Variants in ZNG1F observed in about 807,000 individuals in gnomAD.
The protein encoded by ZNG1F is zinc-regulated GTPase metalloprotein activator 1F.
At chr9:41,139,672 A>G in the ZNG1F span, among the ~76,000 whole-genome samples, 1 of 151,856 alleles carries the variant, frequency 6.6e-6, no homozygotes, top group African/African-American at 2.4e-5. Flanking sequence ...TGAGACTTTT[A>G]AAAGTACTTA....
the ZNG1F span, among the ~76,000 whole-genome samples, chr9:41,134,316 A>T: frequency 9.6e-6 from 1 of 104,010 alleles, no homozygotes; most frequent in African/African-American, 3.2e-5. Flanking sequence ...CTGAATAAGC[A>T]TGTGCCAAGA....
the ZNG1F span, among the ~76,000 whole-genome samples, chr9:41,203,074 T>C: frequency 2.1e-3 from 309 of 147,212 alleles, no homozygotes; most frequent in African/African-American, 7.7e-3. Context: ...TCAGGTTATA[T>C]ATTTTTGGCA....
chr9:41,169,885 T>C, the ZNG1F span, among the ~76,000 whole-genome samples: 1 of 139,748 alleles, frequency 7.2e-6, no homozygotes, highest in African/African-American at 2.8e-5. Context: ...AAAGGAACTC[T>C]CTGAAATAAC....
At chr9:41,201,305 G>A in the ZNG1F span, among the ~76,000 whole-genome samples, 1 of 140,170 alleles carries the variant, frequency 7.1e-6, no homozygotes, top group Non-Finnish European at 1.5e-5. Flanking sequence ...GTATGTGGAA[G>A]CAATATGTTT....
chr9:41,196,217 T>C, the ZNG1F span: 2 of 42,916 alleles, frequency 4.7e-5, no homozygotes, highest in African/African-American at 1.1e-4. Context: ...AGTTTGTGTC[T>C]AGTGAGGGCT....
the ZNG1F span, among the ~76,000 whole-genome samples, chr9:41,169,147 AT>A: frequency 6.6e-6 from 1 of 150,982 alleles, no homozygotes; most frequent in South Asian, 2.1e-4. Flanking sequence ...ATTTAAAAAA[AT>A]AAGTGCATCT....
chr9:41,166,224 C>T, the ZNG1F span, among the ~76,000 whole-genome samples: 2 of 127,796 alleles, frequency 1.6e-5, no homozygotes, highest in Admixed American at 1.7e-4. Context: ...ATGGTGAAAC[C>T]CCATCTCTAC....
At chr9:41,204,388 T>TTATATATATATA in the ZNG1F span, among the ~76,000 whole-genome samples, 7 of 20,212 alleles carry the variant, frequency 3.5e-4, no homozygotes, top group African/African-American at 6.1e-4. Context: ...AATTTTTATT[T>TTATATATATATA]TATATATATA....
the ZNG1F span, among the ~76,000 whole-genome samples, chr9:41,197,750 A>G: frequency 7.6e-6 from 1 of 130,936 alleles, no homozygotes; most frequent in Non-Finnish European, 1.6e-5. Flanking sequence ...GATATTTTAG[A>G]CTGGTTAGCT....
At chr9:41,198,188 G>C in the ZNG1F span, among the ~76,000 whole-genome samples, 1 of 147,716 alleles carries the variant, frequency 6.8e-6, no homozygotes, top group South Asian at 2.2e-4. Context: ...GATCACCTGA[G>C]GTCAGGAGTT....
At chr9:41,193,003 T>C in the ZNG1F span, among the ~76,000 whole-genome samples, 11 of 151,814 alleles carry the variant, frequency 7.2e-5, no homozygotes, top group East Asian at 1.9e-4. Flanking sequence ...AAGCATCTGA[T>C]AGGCACTGTG....
At chr9:41,183,669 A>T in the ZNG1F span, 2 of 1,606,322 alleles carry the variant, frequency 1.2e-6, 1 homozygote, top group Non-Finnish European at 1.7e-6. Context: ...TCCTAGAATA[A>T]ATAACAAACA....
At chr9:41,180,981 C>T in the ZNG1F span, among the ~76,000 whole-genome samples, 5,709 of 141,926 alleles carry the variant, frequency 0.04, 1 homozygote, top group Middle Eastern at 0.054. Context: ...ATGCCCAGCC[C>T]TTACTTGTAT....
chr9:41,178,710 G>A, the ZNG1F span, among the ~76,000 whole-genome samples: 2 of 22,028 alleles, frequency 9.1e-5, no homozygotes, highest in Admixed American at 7.2e-4. Context: ...GGGATTACAG[G>A]CTCCCACCAC....
At chr9:41,203,224 T>C in the ZNG1F span, among the ~76,000 whole-genome samples, 1 of 152,182 alleles carries the variant, frequency 6.6e-6, no homozygotes, top group Non-Finnish European at 1.5e-5. Flanking sequence ...CTGATGCAGT[T>C]AATAAGTACC....
the ZNG1F span, among the ~76,000 whole-genome samples, chr9:41,151,915 CA>C: frequency 6.9e-6 from 1 of 143,942 alleles, no homozygotes; most frequent in Non-Finnish European, 1.5e-5. Context: ...ATGTAAAGAC[CA>C]TCGAGACTAG....
At chr9:41,139,668 T>C in the ZNG1F span, among the ~76,000 whole-genome samples, 1 of 151,828 alleles carries the variant, frequency 6.6e-6, no homozygotes, top group Admixed American at 6.6e-5. Context: ...AATGTGAGAC[T>C]TTTAAAAGTA....
chr9:41,155,403 G>C, the ZNG1F span, among the ~76,000 whole-genome samples: 48 of 146,216 alleles, frequency 3.3e-4, 1 homozygote, highest in African/African-American at 1.2e-3. Flanking sequence ...TTACACTGTT[G>C]GCGGGACTGT....
the ZNG1F span, chr9:41,174,295 T>C: frequency 1.3e-6 from 2 of 1,541,530 alleles, no homozygotes; most frequent in African/African-American, 1.4e-5. Context: ...TAACTTACCA[T>C]CAAGGTAAAT....
Sources: gnomAD v4.1 joint callset for allele counts (sites outside exome capture counted in the v4.1 genomes callset) on GRCh38, gnomAD v4.1.1 for gene constraint, MANE v1.5 for transcripts, NCBI Gene and HGNC (gene_info 2026-07-23, HGNC 2026-07-21) for gene names.